The following KDSR variants were observed in gnomAD, a reference collection of about 807,000 sequenced individuals.
KDSR encodes 3-dehydrosphinganine reductase.
Under a neutral mutation model 41.3 loss-of-function variants are expected in KDSR, and 23 were observed. That is an observed-to-expected ratio of 0.56 (90% CI 0.40 to 0.79). KDSR has a LOEUF of 0.79. KDSR is among the 30% of genes least tolerant of loss of function. The pLI, the probability that KDSR is intolerant of heterozygous loss-of-function variation, is 0.00. For synonymous variants in KDSR, 138 were observed against 151.7 expected (o/e 0.91, Z 0.66); for missense variants, 351 against 416.8 (o/e 0.84, Z 1.37).
intron 1 of KDSR, chr18:63,366,738 T>C (rs1915149396): frequency 5.6e-6 from 2 of 357,986 alleles, no homozygotes; most frequent in Non-Finnish European, 1.0e-5. Context: ...ACAGAACCCC[T>C]GGGGCCCCGG....
At chr18:63,358,115 A>C (rs1914855301) in intron 3 of KDSR, among the ~76,000 whole-genome samples, 1 of 152,200 alleles carries the variant, frequency 6.6e-6, no homozygotes, top group Non-Finnish European at 1.5e-5. Context: ...CAGTGAGCTG[A>C]GATTGTGCCA....
Position 63,330,783 on chromosome 18 carries a change from G to A in KDSR, c.*999C>T, listed in dbSNP as rs754710969. 4.0e-5 allele frequency: 9 copies of A among 222,586 alleles called. No individual in the cohort carries two copies. The highest frequency in any genetic ancestry group is 7.0e-5 in the Non-Finnish European group (8 of 113,702). 13.8% of individuals were successfully genotyped at this position (222,586 alleles called of 1,614,324 possible). On this transcript the variant is annotated 3_prime_UTR_variant, in exon 10 of 10. Coordinates refer to ENST00000645214, the MANE Select transcript of KDSR (RefSeq NM_002035.4). ...ATGAGTTAAGTTAAAAAGTCAAGTCGAAAATTTTAGCTGGTCTTTTTTTTC... is the reference window on the plus strand; with the variant it reads ...ATGAGTTAAGTTAAAAAGTCAAGTCAAAAATTTTAGCTGGTCTTTTTTTTC...
At position 63,331,308 on chromosome 18, in the gene KDSR, GAC is replaced by G; in HGVS notation, c.*472_*473del. Reference sequence around the variant, plus strand: ...AGACAGAGAGACAGAGAGACAGAGAGACAGAGAGACAGAGAGACAGAGAGAGA... The same window carrying G: ...AGACAGAGAGACAGAGAGACAGAGAGAGAGAGACAGAGAGACAGAGAGAGA... On this transcript the variant is annotated 3_prime_UTR_variant, in exon 10 of 10. Coordinates refer to ENST00000645214, the MANE Select transcript of KDSR (RefSeq NM_002035.4). The G allele has an allele frequency of 8.8e-6, 2 of 227,282 alleles. No homozygotes were observed. The highest frequency in any genetic ancestry group is 1.2e-4 in the East Asian group (2 of 16,396). 14.1% of individuals were successfully genotyped at this position (227,282 alleles called of 1,614,324 possible).
At chr18:63,343,949 GGAGGATC>G (rs1355774795) in intron 7 of KDSR, among the ~76,000 whole-genome samples, 1 of 152,138 alleles carries the variant, frequency 6.6e-6, no homozygotes, top group Non-Finnish European at 1.5e-5. Flanking sequence ...GGCTGAGGAG[GGAGGATC>G]ACTTGAGGCC....
At chr18:63,343,391 A>AT (rs1313755437) in intron 7 of KDSR, among the ~76,000 whole-genome samples, 1,520 of 141,498 alleles carry the variant, frequency 0.011, 27 homozygotes, top group African/African-American at 0.035. Flanking sequence ...TTTAATTTTA[A>AT]TTTTTTTTTT....
intron 9 of KDSR, among the ~76,000 whole-genome samples, chr18:63,332,133 A>G (rs889415929): frequency 6.6e-6 from 1 of 152,240 alleles, no homozygotes; most frequent in African/African-American, 2.4e-5. Context: ...AATTCAAACC[A>G]TAAGCAGAAT....
In KDSR at chr18:63,330,808, CCTT is replaced by C. The variant is rs1913957061; in HGVS notation, c.*971_*973del. 4.6e-6 allele frequency: 1 copy of C among 219,730 alleles called. No homozygotes were observed. Among genetic ancestry groups the C allele is most frequent in the East Asian group, 6.5e-5 (1 of 15,324 alleles). The allele number at this position is 219,730 out of a possible 1,614,324, so 13.6% of individuals were successfully genotyped here. A position where few individuals can be genotyped will look rare whatever the true frequency, so the allele number is the denominator to read the frequency against. ...GAAAATTTTAGCTGGTCTTTTTTTT[CCTT>C]TTTTTTTTTTTTTACAAAAATATTA... On this transcript the variant is annotated 3_prime_UTR_variant, in exon 10 of 10. Coordinates refer to ENST00000645214, the MANE Select transcript of KDSR (RefSeq NM_002035.4).
chr18:63,363,164 C>T (rs1915038660), intron 1 of KDSR, among the ~76,000 whole-genome samples: 1 of 151,112 alleles, frequency 6.6e-6, no homozygotes, highest in African/African-American at 2.4e-5. Flanking sequence ...ATAAATAATA[C>T]ATTAGTCTGC....
intron 2 of KDSR, among the ~76,000 whole-genome samples, chr18:63,360,992 T>TAA (rs377005462): frequency 4.4e-5 from 5 of 113,476 alleles, no homozygotes; most frequent in African/African-American, 1.9e-4. Context: ...CTGTCTCTAC[T>TAA]AAAAAAAAAA....
At chr18:63,339,478 G>A (rs910680960) in intron 7 of KDSR, among the ~76,000 whole-genome samples, 1 of 152,226 alleles carries the variant, frequency 6.6e-6, no homozygotes, top group African/African-American at 2.4e-5. Context: ...AGATAACCCT[G>A]AGTGGTCCCT....
intron 3 of KDSR, among the ~76,000 whole-genome samples, chr18:63,357,211 C>T (rs370223788): frequency 1.6e-3 from 236 of 152,172 alleles, no homozygotes; most frequent in Non-Finnish European, 2.5e-3. Context: ...AGGGATGTGG[C>T]GCAACAGAAA....
intron 1 of KDSR, among the ~76,000 whole-genome samples, chr18:63,364,624 A>G (rs192533463): frequency 3.0e-4 from 45 of 152,056 alleles, no homozygotes; most frequent in African/African-American, 1.0e-3. Flanking sequence ...TTGTATTTTT[A>G]GTAGAGATGG....
At chr18:63,332,432 A>G (rs1914031223) in intron 9 of KDSR, among the ~76,000 whole-genome samples, 1 of 152,262 alleles carries the variant, frequency 6.6e-6, no homozygotes, top group Non-Finnish European at 1.5e-5. Context: ...GTGCAGTGGC[A>G]TGAACGCGGC....
At position 63,355,275 on chromosome 18, in the gene KDSR, C is replaced by A; in HGVS notation, c.346G>T (p.Asp116Tyr). 1 of 1,614,120 alleles carries A rather than the reference C, an allele frequency of 6.2e-7. No individual in the cohort carries two copies. The highest frequency in any genetic ancestry group is 8.5e-7 in the Non-Finnish European group (1 of 1,179,980). Residue 116 changes from aspartate (D) to tyrosine (Y), a missense_variant, in exon 5 of 10, where the codon GAC becomes TAC. Asp to Tyr is a radical substitution (Grantham distance 160). Coordinates refer to ENST00000645214, the MANE Select transcript of KDSR (RefSeq NM_002035.4). ...ATTCCTGCACAATTTACCAGCATGT[C>A]CACTGGACCCAGTTTCTCCTGTGCC... ...KQAQEKLGPV[D>Y]MLVNCAGMAV... is the part of the protein sequence containing the mutation.
intron 5 of KDSR, among the ~76,000 whole-genome samples, chr18:63,352,118 A>C (rs553358849): frequency 6.6e-6 from 1 of 152,258 alleles, no homozygotes; most frequent in South Asian, 2.1e-4. Flanking sequence ...TAACTCGAAA[A>C]TTTAATAATA....
intron 5 of KDSR, among the ~76,000 whole-genome samples, chr18:63,353,205 G>A (rs1914704820): frequency 6.6e-6 from 1 of 151,456 alleles, no homozygotes; most frequent in African/African-American, 2.4e-5. Context: ...AGTTCTAAAA[G>A]AATATCTGAA....
At chr18:63,337,828 C>T (rs184650218) in intron 8 of KDSR, among the ~76,000 whole-genome samples, 51 of 152,034 alleles carry the variant, frequency 3.4e-4, no homozygotes, top group African/African-American at 1.1e-3. Flanking sequence ...CTCAGAAGGC[C>T]GAGGCAGGAG....
In KDSR at chr18:63,330,047, G is replaced by C. The variant is rs1371433993; in HGVS notation, c.*1735C>G. 1 of 183,976 alleles carries C rather than the reference G, an allele frequency of 5.4e-6. No individual in the cohort carries two copies. The highest frequency in any genetic ancestry group is 1.2e-5 in the Non-Finnish European group (1 of 86,784). The allele number at this position is 183,976 out of a possible 1,614,324, so 11.4% of individuals were successfully genotyped here. ...TATATATTAAATAATAATTTCTTCT[G>C]TATCTATCAGTGTTTAAAATATGCT... On this transcript the variant is annotated 3_prime_UTR_variant, in exon 10 of 10. Coordinates refer to ENST00000645214, the MANE Select transcript of KDSR (RefSeq NM_002035.4).
chr18:63,353,453 C>A (rs1331761734), intron 5 of KDSR, among the ~76,000 whole-genome samples: 2 of 152,078 alleles, frequency 1.3e-5, no homozygotes, highest in Non-Finnish European at 2.9e-5. Flanking sequence ...AAGCCAGATT[C>A]TACTACAGAA....
Sources: allele counts gnomAD v4.1 joint callset (sites outside exome capture counted in the v4.1 genomes callset), GRCh38; gene constraint gnomAD v4.1.1; transcripts MANE v1.5; gene names NCBI Gene and HGNC (gene_info 2026-07-23, HGNC 2026-07-21).